Variants in ALKAL2 observed in about 807,000 individuals in gnomAD.
The protein encoded by ALKAL2 is ALK and LTK ligand 2, also known as AUG-alpha.
ALKAL2 carries 8 observed loss-of-function variants against 18.5 expected under a neutral mutation model. The observed-to-expected ratio is 0.43, with a 90% CI of 0.25 to 0.78. The LOEUF (loss-of-function observed/expected upper bound fraction) is 0.78. Ranked by LOEUF, ALKAL2 falls within the 30% of genes least tolerant of loss-of-function variation. The probability of loss-of-function intolerance (pLI) is 0.22; values close to 1 mark genes in which losing one functional copy is unlikely to be tolerated. For synonymous variants in ALKAL2, 135 were observed against 95.8 expected, an observed-to-expected ratio of 1.41 and a Z score of -2.39; for missense variants, 241 against 211.2, an observed-to-expected ratio of 1.14 and a Z score of -0.88.
At chr2:283,936 G>A (rs1670429528) in intron 4 of ALKAL2, among the ~76,000 whole-genome samples, 1 of 152,210 alleles carries the variant, frequency 6.6e-6, no homozygotes, top group Admixed American at 6.5e-5. Flanking sequence ...TGACAAATGT[G>A]TACGATATGT....
chr2:281,673 C>G (rs1670359444), intron 5 of ALKAL2, among the ~76,000 whole-genome samples: 2 of 152,070 alleles, frequency 1.3e-5, no homozygotes, highest in African/African-American at 4.8e-5. Context: ...CGGAGTAGCT[C>G]TTCCAGTGGC....
At chr2:280,943 TTG>T (rs1223469037) in intron 5 of ALKAL2, among the ~76,000 whole-genome samples, 5 of 152,242 alleles carry the variant, frequency 3.3e-5, no homozygotes, top group Non-Finnish European at 7.3e-5. Context: ...CCTGCCATCC[TTG>T]TGTGTCAGGA....
At chr2:285,920 A>C in intron 4 of ALKAL2, 1 of 551,290 alleles carries the variant, frequency 1.8e-6, no homozygotes, top group Non-Finnish European at 3.2e-6. Flanking sequence ...ATGACTGTAA[A>C]TAATTTCCAG....
rs147119873 is a variant in ALKAL2 at position 283,876 on chromosome 2, G to A, written c.389-701C>T. On this transcript the variant is annotated intron_variant, in intron 4 of 5. Coordinates refer to ENST00000403610, the MANE Select transcript of ALKAL2 (RefSeq NM_001002919.3). ...AATAACAAAATCCTACTTAAAAGTG[G>A]AAGAATTTATACCCAACTGAAAATC... 3.5e-3 allele frequency among the ~76,000 whole-genome samples: 538 copies of A among 152,300 alleles called. 4 individuals are homozygous for A. Among genetic ancestry groups the A allele is most frequent in the African/African-American group, 0.012 (517 of 41,554 alleles).
At chr2:282,435 G>C (rs899988992) in intron 5 of ALKAL2, among the ~76,000 whole-genome samples, 1 of 152,240 alleles carries the variant, frequency 6.6e-6, no homozygotes, top group Non-Finnish European at 1.5e-5. Flanking sequence ...TATAAAATTG[G>C]TGAAATTACA....
At chr2:286,075 T>C (rs774206536) in intron 4 of ALKAL2, 48 bp downstream of exon 4, 1 of 1,524,514 alleles carries the variant, frequency 6.6e-7, no homozygotes, top group East Asian at 2.2e-5. Context: ...GGGGAACCGC[T>C]GCCTGCACTG....
At chr2:284,683 G>A (rs191696494) in intron 4 of ALKAL2, among the ~76,000 whole-genome samples, 387 of 152,286 alleles carry the variant, frequency 2.5e-3, no homozygotes, top group African/African-American at 9.0e-3. Flanking sequence ...GGCCTGCAGA[G>A]TCAACCATGA....
At chr2:281,786 A>G (rs1670363033) in intron 5 of ALKAL2, among the ~76,000 whole-genome samples, 1 of 151,882 alleles carries the variant, frequency 6.6e-6, no homozygotes, top group Non-Finnish European at 1.5e-5. Context: ...TTATAAAGAA[A>G]TACCTAAAAA....
chr2:287,570 C>T lies in ALKAL2; in HGVS notation c.253+13G>A, dbSNP rs1670561688. 7.2e-7 allele frequency: 1 copy of T among 1,394,728 alleles called. No homozygotes were observed. Among genetic ancestry groups the T allele is most frequent in the Non-Finnish European group, 9.3e-7 (1 of 1,080,048 alleles). The allele number at this position is 1,394,728 out of a possible 1,614,324, so 86.4% of individuals were successfully genotyped here. A position where few individuals can be genotyped will look rare whatever the true frequency, so the allele number is the denominator to read the frequency against. The stretch of plus-strand genomic sequence containing the variant: ...AGCAGCCCCGGCCCTCGGGCGCGCT[C>T]GGCCCCACTCACCCACTCGCTGCTC... On this transcript the variant is annotated intron_variant, in intron 2 of 5. Transcript: ENST00000403610.
At chr2:283,239 G>T (rs1416368266) in intron 4 of ALKAL2, 64 bp from the exon 5 acceptor site, 2 of 1,067,096 alleles carry the variant, frequency 1.9e-6, no homozygotes, top group East Asian at 2.9e-5. Flanking sequence ...GCATTTTTTT[G>T]CAAGTATATC....
At chr2:285,124 G>A (rs369390327) in intron 4 of ALKAL2, among the ~76,000 whole-genome samples, 81 of 152,354 alleles carry the variant, frequency 5.3e-4, no homozygotes, top group African/African-American at 1.9e-3. Context: ...AAAAGTGCAT[G>A]TGCCTTAGCC....
chr2:287,701 G>T lies in ALKAL2; in HGVS notation c.135C>A (p.Val45=). Residue 45 remains valine, a synonymous_variant, in exon 2 of 6, where the codon GTC becomes GTA. Transcript: ENST00000403610. The part of the protein sequence containing the change: ...QALLRLVVEL[V]QELRKHHSAE... ...CCGAGTGGTGCTTCCGCAGCTCCTG[G>T]ACGAGTTCCACCACCAGCCGCAGCA... 1.4e-6 allele frequency: 2 copies of T among 1,479,492 alleles called. No homozygotes were observed. The highest frequency in any genetic ancestry group is 1.8e-6 in the Non-Finnish European group (2 of 1,121,372). The allele number at this position is 1,479,492 out of a possible 1,614,324, so 91.6% of individuals were successfully genotyped here. A position where few individuals can be genotyped will look rare whatever the true frequency, so the allele number is the denominator to read the frequency against.
In ALKAL2 at chr2:287,644, C is replaced by G; in HGVS notation, c.192G>C (p.Arg64=). The G allele has an allele frequency of 6.7e-7, 1 of 1,481,868 alleles. No individual in the cohort carries two copies. Among genetic ancestry groups the G allele is most frequent in the South Asian group, 1.3e-5 (1 of 78,442 alleles). The allele number at this position is 1,481,868 out of a possible 1,614,324, so 91.8% of individuals were successfully genotyped here. A position where few individuals can be genotyped will look rare whatever the true frequency, so the allele number is the denominator to read the frequency against. Residue 64 remains arginine (R), a synonymous_variant, in exon 2 of 6, where the codon CGG becomes CGC. Transcript: ENST00000403610. ...CCTCCGCGCGGCCCAGGGCGCAGTC[C>G]CGCCCGAGGAGCTGCAGGCCCTTGT... The part of the protein sequence containing the change: ...AEHKGLQLLG[R]DCALGRAEAA...
chr2:288,026 G>C lies in ALKAL2; in HGVS notation c.-71C>G. The C allele has an allele frequency of 8.2e-7, 1 of 1,223,150 alleles. No individual in the cohort carries two copies. The highest frequency in any genetic ancestry group is 1.0e-6 in the Non-Finnish European group (1 of 984,078). The allele number at this position is 1,223,150 out of a possible 1,614,324, so 75.8% of individuals were successfully genotyped here. ...CCGGCCCCTCACCTCCGCGGACCCC[G>C]AGGAACAAGCCGGCAGGTGAGGGAG... On this transcript the variant is annotated 5_prime_UTR_variant, in exon 1 of 6. Transcript: ENST00000403610.
At chr2:283,261 CCATTT>C (rs1670411073) in intron 4 of ALKAL2, 86 bp from the exon 5 acceptor site, 5 of 1,526,478 alleles carry the variant, frequency 3.3e-6, no homozygotes. Context: ...GCTACTAAAG[CCATTT>C]ATTTCTTCAA....
At chr2:287,337 T>C in intron 2 of ALKAL2, 1 of 377,992 alleles carries the variant, frequency 2.6e-6, no homozygotes, top group South Asian at 1.2e-4. Context: ...CGGTTGACAG[T>C]TTAGTGTGGA....
rs1670406312 is a variant in ALKAL2, at chr2:283,153, A to C, written c.411T>G (p.Leu137=). Residue 137 remains leucine, a synonymous_variant, in exon 5 of 6, where the codon CTT becomes CTG. Transcript: ENST00000403610. ...CTGGACTGACAGCCAGCCGGGTAAG[A>C]AGCCTGGCGCATCTTTTATAGTCTA... ...IPAYYKRCAR[L]LTRLAVSPVC... The C allele has an allele frequency of 6.2e-7, 1 of 1,613,320 alleles. No homozygotes were observed. The highest frequency in any genetic ancestry group is 8.5e-7 in the Non-Finnish European group (1 of 1,179,676).
chr2:280,933 C>T (rs372871196), intron 5 of ALKAL2, among the ~76,000 whole-genome samples: 84 of 152,332 alleles, frequency 5.5e-4, no homozygotes, highest in African/African-American at 2.0e-3. Context: ...ACGGTCTTGC[C>T]CTGCCATCCT....
Position 280,015 on chromosome 2 carries a change from C to A in ALKAL2, c.*132G>T. The A allele has an allele frequency of 1.0e-6, 1 of 995,548 alleles. No individual in the cohort carries two copies. Among genetic ancestry groups the A allele is most frequent in the East Asian group, 2.4e-5 (1 of 41,708 alleles). The allele number at this position is 995,548 out of a possible 1,614,324, so 61.7% of individuals were successfully genotyped here. A position where few individuals can be genotyped will look rare whatever the true frequency, so the allele number is the denominator to read the frequency against. The stretch of plus-strand genomic sequence containing the variant: ...TCAACAACATACAAAACTCAAAGGA[C>A]TTATGGAAGAGTCTGTCTGCAAAAA... On this transcript the variant is annotated 3_prime_UTR_variant, in exon 6 of 6. Transcript: ENST00000403610.
Sources: gnomAD v4.1 joint callset for allele counts (sites outside exome capture counted in the v4.1 genomes callset) on GRCh38, gnomAD v4.1.1 for gene constraint, MANE v1.5 for transcripts, NCBI Gene and HGNC (gene_info 2026-07-23, HGNC 2026-07-21) for gene names.